The following MTF2 variants were observed in gnomAD, a reference collection of about 807,000 sequenced individuals.
The protein encoded by MTF2 is metal response element binding transcription factor 2.
Under a neutral mutation model 79.5 loss-of-function variants are expected in MTF2, and 11 were observed. The ratio of observed to expected loss-of-function variants is 0.14; its 90% CI spans 0.09 to 0.23. The LOEUF (loss-of-function observed/expected upper bound fraction) is 0.23. Ranked by LOEUF, MTF2 falls within the 10% of genes least tolerant of loss-of-function variation. The pLI, the probability that MTF2 is intolerant of heterozygous loss-of-function variation, is 1.00. For missense variants in MTF2, 486 were observed against 711.2 expected, an observed-to-expected ratio of 0.68 and a Z score of 3.60; for synonymous variants, 208 against 232.8, an observed-to-expected ratio of 0.89 and a Z score of 0.97.
chr1:93,086,936 A>G (rs368966003), intron 1 of MTF2, among the ~76,000 whole-genome samples: 1 of 152,116 alleles, frequency 6.6e-6, no homozygotes, highest in African/African-American at 2.4e-5. Context: ...TACAAATGAG[A>G]TGTCTTGGGG....
intron 1 of MTF2, 110 bp from the exon 2 acceptor site, chr1:93,110,120 C>G: frequency 1.9e-6 from 2 of 1,037,246 alleles, no homozygotes; most frequent in Non-Finnish European, 1.4e-6. Flanking sequence ...ATATTTTTGT[C>G]TTAAGGTTTT....
At chr1:93,121,429 A>G in intron 9 of MTF2, 1 of 905,032 alleles carries the variant, frequency 1.1e-6, no homozygotes, top group African/African-American at 1.8e-5. Context: ...ATAATATGGA[A>G]TTTGATATGT....
intron 1 of MTF2, 122 bp downstream of exon 1, chr1:93,079,653 G>C: frequency 8.1e-7 from 1 of 1,238,732 alleles, no homozygotes; most frequent in Non-Finnish European, 1.2e-6. Flanking sequence ...GGGGGCTCCT[G>C]TATGTGGGTG....
chr1:93,130,885 A>G (rs1474555952), intron 11 of MTF2, among the ~76,000 whole-genome samples: 1 of 152,142 alleles, frequency 6.6e-6, no homozygotes, highest in Non-Finnish European at 1.5e-5. Context: ...AGATTTTGGT[A>G]TGGTGAATGA....
intron 1 of MTF2, among the ~76,000 whole-genome samples, chr1:93,087,028 C>T (rs919881786): frequency 7.2e-5 from 11 of 151,982 alleles, no homozygotes; most frequent in South Asian, 4.2e-4. Context: ...TTTTTTCGTT[C>T]GGGACACTGA....
rs1351868244 is a variant in MTF2 at position 93,085,426 on chromosome 1, C to T, written c.5+5895C>T. Among the ~76,000 whole-genome samples the T allele has an allele frequency of 4.0e-5, 6 of 148,908 alleles. No homozygotes were observed. The South Asian group carries it at 6.4e-4, about 16-fold the overall frequency. On this transcript the variant is annotated intron_variant, in intron 1 of 14. Coordinates refer to ENST00000370298, the MANE Select transcript of MTF2 (RefSeq NM_007358.4). ...TCTCCTGACCTCATGATGCGCCCTT[C>T]GTGGCTTCCCAAAGTGCTGGGATTA...
chr1:93,123,825 T>G (rs1298667472), intron 9 of MTF2, among the ~76,000 whole-genome samples: 1 of 150,882 alleles, frequency 6.6e-6, no homozygotes, highest in Non-Finnish European at 1.5e-5. Context: ...ACTTTTTTTT[T>G]TTTTTTAAGA....
At position 93,108,688 on chromosome 1, in the gene MTF2, G is replaced by A. The variant is rs1212448223; in HGVS notation, c.6-1542G>A. Among the ~76,000 whole-genome samples, 4 of 67,582 alleles carry A rather than the reference G, an allele frequency of 5.9e-5. No homozygotes were observed. The Admixed American group carries it at 7.3e-4, about 12-fold the overall frequency. The allele number at this position is 67,582 out of a possible 152,430, so 44.3% of individuals were successfully genotyped here. On this transcript the variant is annotated intron_variant, in intron 1 of 14. Transcript: ENST00000370298. ...AGATCTCTTTGCATTTATCCTACTT[G>A]GAATTTGTTGAGCTGCTTGGATGTG... is the stretch of plus-strand genomic sequence containing the variant.
intron 11 of MTF2, among the ~76,000 whole-genome samples, chr1:93,130,433 C>T (rs144834063): frequency 9.9e-5 from 15 of 152,096 alleles, no homozygotes; most frequent in African/African-American, 3.4e-4. Flanking sequence ...AAAAATTAGC[C>T]GGGCATGGTG....
intron 1 of MTF2, among the ~76,000 whole-genome samples, chr1:93,084,892 TAAAAG>T (rs954145624): frequency 3.9e-5 from 6 of 152,082 alleles, no homozygotes; most frequent in Non-Finnish European, 5.9e-5. Context: ...ATGTAAGTAT[TAAAAG>T]AAATACTTTG....
chr1:93,137,147 A>C lies in MTF2; in HGVS notation c.*120A>C. On this transcript the variant is annotated 3_prime_UTR_variant, in exon 15 of 15. Coordinates refer to ENST00000370298, the MANE Select transcript of MTF2 (RefSeq NM_007358.4). The stretch of plus-strand genomic sequence containing the variant: ...AAAAAAAAAAAGTCAAAAAAATTCA[A>C]AAAAGGGGATGATACTAGCCTTAAC... The C allele has an allele frequency of 1.3e-6, 1 of 783,170 alleles. No individual in the cohort carries two copies. The highest frequency in any genetic ancestry group is 2.0e-6 in the Non-Finnish European group (1 of 502,766). 48.5% of individuals were successfully genotyped at this position (783,170 alleles called of 1,614,324 possible). A position where few individuals can be genotyped will look rare whatever the true frequency, so the allele number is the denominator to read the frequency against.
chr1:93,128,324 G>A (rs1412056319), intron 10 of MTF2, among the ~76,000 whole-genome samples: 2 of 151,986 alleles, frequency 1.3e-5, no homozygotes, highest in African/African-American at 2.4e-5. Context: ...TTGGGAAGCC[G>A]AGGCAGGCAG....
intron 11 of MTF2, among the ~76,000 whole-genome samples, chr1:93,130,507 G>A (rs1331959166): frequency 6.6e-6 from 1 of 152,096 alleles, no homozygotes; most frequent in African/African-American, 2.4e-5. Context: ...AATCCAGGAG[G>A]CGGAGGTTGC....
In MTF2 at chr1:93,127,082, A is replaced by G; in HGVS notation, c.922-150A>G. 1.0e-5 allele frequency: 6 copies of G among 593,196 alleles called. No individual in the cohort carries two copies. The South Asian group carries it at 1.1e-4, about 11-fold the overall frequency. The allele number at this position is 593,196 out of a possible 1,614,324, so 36.7% of individuals were successfully genotyped here. ...AGGTTAAATGGCCCTAGGTCACATA[A>G]TAGTCAGTGAGGACTTGGAATTAGA... On this transcript the variant is annotated intron_variant, in intron 9 of 14. Coordinates refer to ENST00000370298, the MANE Select transcript of MTF2 (RefSeq NM_007358.4).
At chr1:93,119,852 A>C (rs1248172203) in intron 8 of MTF2, 1 of 153,824 alleles carries the variant, frequency 6.5e-6, no homozygotes, top group African/African-American at 2.4e-5. Flanking sequence ...TTATCAACAG[A>C]TAGGATTTAA....
chr1:93,134,078 T>A lies in MTF2; in HGVS notation c.1320-13T>A. 1 of 1,589,472 alleles carries A rather than the reference T, an allele frequency of 6.3e-7. No individual in the cohort carries two copies. The highest frequency in any genetic ancestry group is 8.6e-7 in the Non-Finnish European group (1 of 1,164,670). The stretch of plus-strand genomic sequence containing the variant: ...AATATAGTCGTTACACAATTTAAAT[T>A]CTTTTGTCTCAGGAGAACTGAGGGA... On this transcript the variant is annotated splice_polypyrimidine_tract_variant and intron_variant, in intron 13 of 14. Transcript: ENST00000370298.
intron 11 of MTF2, among the ~76,000 whole-genome samples, chr1:93,130,946 AACAC>A (rs60658361): frequency 3.4e-4 from 51 of 148,964 alleles, no homozygotes; most frequent in East Asian, 3.9e-4. Context: ...ATGAGGGACA[AACAC>A]ACACACACAC....
chr1:93,109,973 C>T (rs754995395), intron 1 of MTF2, among the ~76,000 whole-genome samples: 3 of 152,176 alleles, frequency 2.0e-5, no homozygotes, highest in African/African-American at 7.2e-5. Flanking sequence ...ATGGCAGCTG[C>T]CTTGAATGTG....
intron 1 of MTF2, among the ~76,000 whole-genome samples, chr1:93,103,841 G>C (rs1655649829): frequency 6.6e-6 from 1 of 152,178 alleles, no homozygotes; most frequent in Non-Finnish European, 1.5e-5. Context: ...ACTTACGTTT[G>C]AGTTGTGACA....
Sources: gnomAD v4.1 joint callset for allele counts (sites outside exome capture counted in the v4.1 genomes callset) on GRCh38, gnomAD v4.1.1 for gene constraint, MANE v1.5 for transcripts, NCBI Gene and HGNC (gene_info 2026-07-23, HGNC 2026-07-21) for gene names.